The following RBFOX1 variants were observed in gnomAD, a reference collection of about 807,000 sequenced individuals.
The protein encoded by RBFOX1 is RNA binding fox-1 homolog 1, also known as RNA binding protein fox-1 homolog 1.
RBFOX1 carries 8 observed loss-of-function variants against 57.7 expected under a neutral mutation model. The ratio of observed to expected loss-of-function variants is 0.14; its 90% confidence interval spans 0.08 to 0.25. The LOEUF is 0.25. Ranked by LOEUF, RBFOX1 falls within the 10% of genes least tolerant of loss-of-function variation. The probability of loss-of-function intolerance (pLI) is 1.00; values close to 1 mark genes in which losing one functional copy is unlikely to be tolerated. For missense variants in RBFOX1, 611 were observed against 548.5 expected, an observed-to-expected ratio of 1.11 and a Z score of -1.14; for synonymous variants, 326 against 222.4, an observed-to-expected ratio of 1.47 and a Z score of -4.15.
intron 3 of RBFOX1, among the ~76,000 whole-genome samples, chr16:6,664,778 T>C (rs1010961512): frequency 4.6e-5 from 7 of 152,192 alleles, no homozygotes; most frequent in African/African-American, 1.7e-4. Context: ...TCAGCAGTTT[T>C]GTTCACTCCT....
At chr16:7,453,624 G>A (rs1236001333) in intron 4 of RBFOX1, among the ~76,000 whole-genome samples, 7 of 152,134 alleles carry the variant, frequency 4.6e-5, no homozygotes, top group Admixed American at 3.9e-4. Context: ...TCATACACAT[G>A]TTAAAGCGTG....
intron 4 of RBFOX1, among the ~76,000 whole-genome samples, chr16:7,461,915 T>TCTACC (rs2059655405): frequency 6.6e-6 from 1 of 152,176 alleles, no homozygotes; most frequent in Non-Finnish European, 1.5e-5. Context: ...CAGAGAGACT[T>TCTACC]CTACCCTCCC....
intron 2 of RBFOX1, among the ~76,000 whole-genome samples, chr16:6,511,961 GACTT>G (rs1414557630): frequency 3.3e-5 from 5 of 152,018 alleles, no homozygotes; most frequent in Non-Finnish European, 7.4e-5. Context: ...CTTTCCCTGA[GACTT>G]ACCCCTACAG....
At chr16:5,449,812 T>C (rs1257579259) in intron 1 of RBFOX1, among the ~76,000 whole-genome samples, 1 of 151,996 alleles carries the variant, frequency 6.6e-6, no homozygotes, top group Non-Finnish European at 1.5e-5. Flanking sequence ...CTCACTATGT[T>C]GCCCAGTCTG....
At chr16:6,870,401 T>A (rs572924382) in intron 3 of RBFOX1, among the ~76,000 whole-genome samples, 2 of 152,340 alleles carry the variant, frequency 1.3e-5, no homozygotes, top group East Asian at 1.9e-4. Flanking sequence ...TTGGATTGTT[T>A]CAGCAAGTCT....
chr16:7,171,788 C>G (rs556367877), intron 4 of RBFOX1, among the ~76,000 whole-genome samples: 1 of 152,166 alleles, frequency 6.6e-6, no homozygotes, highest in Non-Finnish European at 1.5e-5. Context: ...TTCCCAGGTG[C>G]TTTGAATTTT....
chr16:6,892,014 T>C (rs1052210653), intron 3 of RBFOX1, among the ~76,000 whole-genome samples: 1 of 152,212 alleles, frequency 6.6e-6, no homozygotes, highest in Admixed American at 6.5e-5. Flanking sequence ...AAGAATCTTC[T>C]GTGTTGCCTA....
At chr16:5,642,596 G>T (rs1158573471) in intron 3 of RBFOX1, among the ~76,000 whole-genome samples, 4 of 152,064 alleles carry the variant, frequency 2.6e-5, no homozygotes, top group African/African-American at 9.7e-5. Context: ...GTGCAAACTT[G>T]AATGTGCCTA....
At chr16:7,208,807 C>A (rs1027395491) in intron 4 of RBFOX1, among the ~76,000 whole-genome samples, 1 of 152,068 alleles carries the variant, frequency 6.6e-6, no homozygotes, top group Non-Finnish European at 1.5e-5. Flanking sequence ...ACTTGCAATC[C>A]AGCCTGGGTG....
intron 4 of RBFOX1, among the ~76,000 whole-genome samples, chr16:5,968,338 G>A (rs2152295917): frequency 6.6e-6 from 1 of 152,194 alleles, no homozygotes; most frequent in East Asian, 1.9e-4. Flanking sequence ...GCCTCCCCAA[G>A]TGCTGGGATT....
At chr16:7,694,982 G>A (rs1397830233) in intron 14 of RBFOX1, among the ~76,000 whole-genome samples, 2 of 152,124 alleles carry the variant, frequency 1.3e-5, no homozygotes, top group African/African-American at 4.8e-5. Context: ...TTTGCCCCGT[G>A]ACTTAAACCC....
intron 2 of RBFOX1, among the ~76,000 whole-genome samples, chr16:6,474,080 G>GA (rs1358733764): frequency 6.6e-6 from 1 of 152,110 alleles, no homozygotes; most frequent in Non-Finnish European, 1.5e-5. Context: ...CTGTGGGTCA[G>GA]ATTTCTCTTT....
At chr16:6,634,116 A>G (rs2098412246) in intron 2 of RBFOX1, among the ~76,000 whole-genome samples, 1 of 152,034 alleles carries the variant, frequency 6.6e-6, no homozygotes, top group African/African-American at 2.4e-5. Flanking sequence ...CACAGACTAT[A>G]TCTATATTCT....
intron 2 of RBFOX1, among the ~76,000 whole-genome samples, chr16:6,650,539 C>G (rs1380837590): frequency 6.6e-6 from 1 of 152,106 alleles, no homozygotes; most frequent in Non-Finnish European, 1.5e-5. Context: ...CCCACTTTGT[C>G]GAATGTTGGT....
At chr16:6,837,520 T>C (rs1033294493) in intron 3 of RBFOX1, among the ~76,000 whole-genome samples, 3 of 152,130 alleles carry the variant, frequency 2.0e-5, no homozygotes, top group African/African-American at 7.2e-5. Flanking sequence ...CAGTACCGGG[T>C]AATTGGGAAG....
Position 5,919,487 on chromosome 16 carries a change from C to G in RBFOX1, c.351+52152C>G, listed in dbSNP as rs1168795853. Among the ~76,000 whole-genome samples the G allele has an allele frequency of 5.3e-5, 8 of 152,194 alleles. No individual in the cohort carries two copies. The East Asian group carries it at 1.5e-3, about 29-fold the overall frequency. ...CCTCCCGAGTAGCTGGGAGTACAGGCATGTGCTGCCAGGCCCGGCTAATTT... is the reference window on the plus strand; with the variant it reads ...CCTCCCGAGTAGCTGGGAGTACAGGGATGTGCTGCCAGGCCCGGCTAATTT... On this transcript the variant is annotated intron_variant, in intron 4 of 19. Coordinates refer to the RBFOX1 transcript ENST00000641259.
chr16:5,517,376 C>T (rs777872386), intron 2 of RBFOX1, among the ~76,000 whole-genome samples: 1 of 152,228 alleles, frequency 6.6e-6, no homozygotes, highest in Non-Finnish European at 1.5e-5. Flanking sequence ...CCTGTTTACT[C>T]ATCTACCCTT....
chr16:6,705,757 C>G (rs1228221938), intron 3 of RBFOX1, among the ~76,000 whole-genome samples: 1 of 152,074 alleles, frequency 6.6e-6, no homozygotes, highest in Non-Finnish European at 1.5e-5. Context: ...GTGGCTTAAG[C>G]CTGTAATCCC....
At chr16:7,043,270 C>G (rs914200975) in intron 3 of RBFOX1, among the ~76,000 whole-genome samples, 22 of 152,096 alleles carry the variant, frequency 1.4e-4, no homozygotes, top group Admixed American at 2.0e-4. Context: ...CCTGTTTTTT[C>G]TTTTCTATCA....
Sources: allele counts gnomAD v4.1 joint callset (sites outside exome capture counted in the v4.1 genomes callset), GRCh38; gene constraint gnomAD v4.1.1; transcripts MANE v1.5; gene names NCBI Gene and HGNC (gene_info 2026-07-23, HGNC 2026-07-21).